The following TMEM178B variants were observed in gnomAD, a reference collection of about 807,000 sequenced individuals.
TMEM178B encodes the protein transmembrane protein 178B.
TMEM178B carries 5 observed loss-of-function variants against 31.0 expected under a neutral mutation model. The ratio of observed to expected loss-of-function variants is 0.16; its 90% CI spans 0.08 to 0.34. The LOEUF is 0.34. Among genes scored for constraint, TMEM178B ranks in the 10% least tolerant of loss-of-function variants. The pLI is 1.00. For synonymous variants in TMEM178B, 164 were observed against 164.0 expected (o/e 1.00, Z 0.00); for missense variants, 275 against 400.3 (o/e 0.69, Z 2.67).
At chr7:141,143,602 C>T (rs1795808491) in intron 1 of TMEM178B, among the ~76,000 whole-genome samples, 1 of 152,134 alleles carries the variant, frequency 6.6e-6, no homozygotes, top group African/African-American at 2.4e-5. Flanking sequence ...TGGTACCATG[C>T]TGTTTTGGTT....
chr7:141,106,962 T>C (rs776855900), intron 1 of TMEM178B, among the ~76,000 whole-genome samples: 3 of 152,168 alleles, frequency 2.0e-5, no homozygotes, highest in African/African-American at 7.2e-5. Context: ...TGGGAAAAGA[T>C]GGATCAAGGT....
chr7:141,388,124 A>G (rs1374620820), intron 2 of TMEM178B, among the ~76,000 whole-genome samples: 1 of 152,130 alleles, frequency 6.6e-6, no homozygotes, highest in African/African-American at 2.4e-5. Context: ...CTTTACTCAA[A>G]TAGTATTATT....
intron 2 of TMEM178B, among the ~76,000 whole-genome samples, chr7:141,301,287 G>A (rs1012072602): frequency 5.3e-5 from 8 of 152,124 alleles, no homozygotes; most frequent in Admixed American, 3.3e-4. Context: ...GGCTAATTAC[G>A]TGAAATTTCT....
intron 2 of TMEM178B, among the ~76,000 whole-genome samples, chr7:141,402,707 G>A (rs1800807646): frequency 6.6e-6 from 1 of 152,226 alleles, no homozygotes; most frequent in African/African-American, 2.4e-5. Context: ...TGTAACTTTG[G>A]CTAGTTTGGG....
At chr7:141,141,524 A>G (rs1389343301) in intron 1 of TMEM178B, among the ~76,000 whole-genome samples, 1 of 152,122 alleles carries the variant, frequency 6.6e-6, no homozygotes, top group Non-Finnish European at 1.5e-5. Flanking sequence ...ATTATACAGT[A>G]TGTTATGATT....
chr7:141,102,488 G>A (rs1047876358), intron 1 of TMEM178B, among the ~76,000 whole-genome samples: 55 of 152,022 alleles, frequency 3.6e-4, no homozygotes, highest in African/African-American at 1.2e-3. Context: ...TTGGGAGTTG[G>A]GACAGTTGTG....
chr7:141,438,139 T>C (rs1801583574), intron 3 of TMEM178B, among the ~76,000 whole-genome samples: 1 of 152,200 alleles, frequency 6.6e-6, no homozygotes, highest in South Asian at 2.1e-4. Context: ...TGGAAGCAGG[T>C]GCTATCTGGG....
intron 2 of TMEM178B, among the ~76,000 whole-genome samples, chr7:141,281,360 A>G (rs1247742402): frequency 6.6e-6 from 1 of 152,172 alleles, no homozygotes; most frequent in African/African-American, 2.4e-5. Flanking sequence ...TCACATGAGC[A>G]GACAGGGATT....
At chr7:141,200,409 C>G (rs1796856700) in intron 1 of TMEM178B, among the ~76,000 whole-genome samples, 1 of 151,758 alleles carries the variant, frequency 6.6e-6, no homozygotes, top group African/African-American at 2.4e-5. Flanking sequence ...GTGGGTCTGT[C>G]CTGGTTGCGG....
intron 2 of TMEM178B, among the ~76,000 whole-genome samples, chr7:141,287,206 G>C (rs570494467): frequency 6.6e-6 from 1 of 152,208 alleles, no homozygotes; most frequent in South Asian, 2.1e-4. Context: ...GTTGTTGCCT[G>C]ATAATTTGGC....
intron 2 of TMEM178B, among the ~76,000 whole-genome samples, chr7:141,325,262 C>G (rs762453688): frequency 6.6e-6 from 1 of 152,146 alleles, no homozygotes; most frequent in Non-Finnish European, 1.5e-5. Flanking sequence ...CAGATGCAGG[C>G]AAAATGCCTG....
At chr7:141,432,543 A>G (rs1801455464) in intron 2 of TMEM178B, among the ~76,000 whole-genome samples, 1 of 152,196 alleles carries the variant, frequency 6.6e-6, no homozygotes, top group Admixed American at 6.5e-5. Flanking sequence ...CTATTAATAT[A>G]TAAGTTAGAA....
intron 1 of TMEM178B, among the ~76,000 whole-genome samples, chr7:141,210,434 A>G (rs981032817): frequency 6.6e-6 from 1 of 152,120 alleles, no homozygotes; most frequent in African/African-American, 2.4e-5. Flanking sequence ...TTGCACTCCA[A>G]CCTGGGCAAC....
At chr7:141,419,128 T>C (rs1801154632) in intron 2 of TMEM178B, among the ~76,000 whole-genome samples, 1 of 152,192 alleles carries the variant, frequency 6.6e-6, no homozygotes, top group South Asian at 2.1e-4. Flanking sequence ...CAGGCCAGTC[T>C]TGAACGCCTG....
intron 3 of TMEM178B, among the ~76,000 whole-genome samples, chr7:141,456,736 C>G (rs1386567926): frequency 6.6e-6 from 1 of 152,188 alleles, no homozygotes; most frequent in Non-Finnish European, 1.5e-5. Flanking sequence ...GTTTGCTCCA[C>G]GGACCATTGT....
chr7:141,419,283 A>G (rs1034231032), intron 2 of TMEM178B, among the ~76,000 whole-genome samples: 5 of 152,216 alleles, frequency 3.3e-5, no homozygotes, highest in Non-Finnish European at 5.9e-5. Flanking sequence ...GCAACACTCT[A>G]GGTCTCCTCT....
intron 1 of TMEM178B, among the ~76,000 whole-genome samples, chr7:141,197,695 C>T (rs529332189): frequency 3.3e-5 from 5 of 152,110 alleles, no homozygotes; most frequent in East Asian, 3.9e-4. Flanking sequence ...TGCAGTGGTG[C>T]GATCTTGGCT....
At chr7:141,114,304 C>A (rs1795283177) in intron 1 of TMEM178B, among the ~76,000 whole-genome samples, 2 of 152,272 alleles carry the variant, frequency 1.3e-5, no homozygotes, top group Non-Finnish European at 2.9e-5. Flanking sequence ...TTCAGCTGCA[C>A]TGTATATCTG....
intron 2 of TMEM178B, among the ~76,000 whole-genome samples, chr7:141,359,969 T>C (rs1799890254): frequency 6.6e-6 from 1 of 152,134 alleles, no homozygotes; most frequent in Non-Finnish European, 1.5e-5. Flanking sequence ...TTGAGACTTA[T>C]TCACTCCCAT....
Sources: gnomAD v4.1 joint callset for allele counts (sites outside exome capture counted in the v4.1 genomes callset) on GRCh38, gnomAD v4.1.1 for gene constraint, MANE v1.5 for transcripts, NCBI Gene and HGNC (gene_info 2026-07-23, HGNC 2026-07-21) for gene names.